CACNA1G: variants seen among roughly 807,000 people sequenced by gnomAD.
CACNA1G encodes the protein calcium voltage-gated channel subunit alpha1 G, also known as voltage-dependent T-type calcium channel subunit alpha-1G.
In CACNA1G, 67 loss-of-function variants were observed where a neutral mutation model predicts 219.4. The observed-to-expected ratio is 0.31, with a 90% confidence interval of 0.25 to 0.37. The LOEUF (loss-of-function observed/expected upper bound fraction) is 0.37. Among genes scored for constraint, CACNA1G ranks in the 10% least tolerant of loss-of-function variants. CACNA1G has a pLI of 1.00. For missense variants in CACNA1G, 2,380 were observed against 3,231.4 expected, an observed-to-expected ratio of 0.74 and a Z score of 6.39; for synonymous variants, 1,296 against 1,345.3, an observed-to-expected ratio of 0.96 and a Z score of 0.80.
In CACNA1G at chr17:50,621,299, C is replaced by T. The variant is rs1243902399; in HGVS notation, c.5926-361C>T. Reference sequence around the variant, plus strand: ...TTTTTGGTATCATCTTTTTGAGAGTCGCAAGCCCTCGGTCCTCCCGCTCCC... The same window carrying T: ...TTTTTGGTATCATCTTTTTGAGAGTTGCAAGCCCTCGGTCCTCCCGCTCCC... On this transcript the variant is annotated intron_variant, in intron 34 of 37. Coordinates refer to ENST00000359106, the MANE Select transcript of CACNA1G (RefSeq NM_018896.5). The surrounding 1 kb of genome is among the most constrained non-coding windows in gnomAD (Gnocchi z 4.6). Among the ~76,000 whole-genome samples, 4 of 150,738 alleles carry T rather than the reference C, an allele frequency of 2.7e-5. No individual in the cohort carries two copies. Among genetic ancestry groups the T allele is most frequent in the Non-Finnish European group, 5.9e-5 (4 of 67,844 alleles).
At position 50,626,252 on chromosome 17, in the gene CACNA1G, G is replaced by C. The variant is rs1285410966; in HGVS notation, c.6635G>C (p.Arg2212Thr). Residue 2212 changes from arginine (R) to threonine (T), a missense_variant, in exon 38 of 38, where the codon AGA becomes ACA. Arg to Thr is a moderately conservative substitution (Grantham distance 71, BLOSUM62 -1). Around this residue, in one of 17 missense-constraint regions of CACNA1G, gnomAD observed 672 missense variants for 670.5 expected, o/e 1.00. Transcript: ENST00000359106. The surrounding 1 kb of genome is among the most constrained non-coding windows in gnomAD (Gnocchi z 4.3). ...TGGGGCAAGGGCCCTCCAGAGACCAGAAGCAGCTTAGAGTTGGACACGGAG... is the reference window on the plus strand; with the variant it reads ...TGGGGCAAGGGCCCTCCAGAGACCACAAGCAGCTTAGAGTTGGACACGGAG... ...PNWGKGPPETRSSLELDTELS... is the reference protein window; with the variant it reads ...PNWGKGPPETTSSLELDTELS... The C allele has an allele frequency of 6.2e-7, 1 of 1,613,772 alleles. No homozygotes were observed. Among genetic ancestry groups the C allele is most frequent in the Non-Finnish European group, 8.5e-7 (1 of 1,179,882 alleles).
chr17:50,605,574 T>C (rs1464967987), intron 22 of CACNA1G, among the ~76,000 whole-genome samples: 1 of 152,172 alleles, frequency 6.6e-6, no homozygotes, highest in African/African-American at 2.4e-5. Flanking sequence ...AGAAGATGTG[T>C]TTCTAGCATG....
Position 50,599,522 on chromosome 17 carries a change from G to C in CACNA1G, c.3353G>C (p.Ser1118Thr). 6.2e-7 allele frequency: 1 copy of C among 1,611,218 alleles called. No individual in the cohort carries two copies. Among genetic ancestry groups the C allele is most frequent in the Admixed American group, 1.7e-5 (1 of 59,624 alleles). Reference protein sequence around the residue: ...SSRNSLGRAPSLKRRSPSGER... With the variant: ...SSRNSLGRAPTLKRRSPSGER... The stretch of plus-strand genomic sequence containing the variant: ...CGGAACAGCCTCGGCCGTGCACCCA[G>C]CCTGAAGCGGAGAAGCCCAAGTGGA... Residue 1118 changes from serine (S) to threonine (T), a missense_variant, in exon 17 of 38, where the codon AGC (serine) becomes ACC (threonine). Transcript: ENST00000359106.
In CACNA1G at chr17:50,591,506, T is replaced by C; in HGVS notation, c.2525T>C (p.Leu842Pro). The change falls in exon 11 of 38, where the codon CTG becomes CCG. Residue 842 changes from leucine to proline, a missense_variant. Leu to Pro is a moderately conservative substitution (Grantham distance 98). This residue lies in a region of CACNA1G where 82 missense variants were observed against 140.7 expected (regional missense o/e 0.58). Transcript: ENST00000359106. ...VLRTFRLMRV[L>P]KLVRFLPALQ... is the part of the protein sequence containing the mutation. ...CGGACCTTCCGCCTGATGCGTGTGC[T>C]GAAGCTGGTGCGCTTCCTGCCGGCG... is the stretch of plus-strand genomic sequence containing the variant. 6.2e-7 allele frequency: 1 copy of C among 1,609,942 alleles called. No individual in the cohort carries two copies. The highest frequency in any genetic ancestry group is 8.5e-7 in the Non-Finnish European group (1 of 1,178,498).
rs1323571973 is a variant in CACNA1G, at chr17:50,604,405, C to G, written c.4296+124C>G. 1.4e-5 allele frequency: 17 copies of G among 1,246,230 alleles called. No homozygotes were observed. The Admixed American group carries it at 3.5e-4, about 25-fold the overall frequency. The allele number at this position is 1,246,230 out of a possible 1,614,324, so 77.2% of individuals were successfully genotyped here. A position where few individuals can be genotyped will look rare whatever the true frequency, so the allele number is the denominator to read the frequency against. On this transcript the variant is annotated intron_variant, in intron 22 of 37. Transcript: ENST00000359106. ...CATTCCAGAAAGGAATAAGCAGGGACGCTTCCCTCCAGGCTCTAGGCCCTT... is the reference window on the plus strand; with the variant it reads ...CATTCCAGAAAGGAATAAGCAGGGAGGCTTCCCTCCAGGCTCTAGGCCCTT...
chr17:50,624,353 T>A lies in CACNA1G; in HGVS notation c.6230-7T>A. 2 of 465,288 alleles carry A rather than the reference T, an allele frequency of 4.3e-6. No homozygotes were observed. The highest frequency in any genetic ancestry group is 6.2e-6 in the Non-Finnish European group (2 of 322,114). 28.8% of individuals were successfully genotyped at this position (465,288 alleles called of 1,614,324 possible). A position where few individuals can be genotyped will look rare whatever the true frequency, so the allele number is the denominator to read the frequency against. On this transcript the variant is annotated splice_polypyrimidine_tract_variant and splice_region_variant and intron_variant, in intron 36 of 37. Coordinates refer to ENST00000359106, the MANE Select transcript of CACNA1G (RefSeq NM_018896.5). Reference sequence around the variant, plus strand: ...CCCACCCCTCCCCCGCTTCCCTCCCTCCACAGGCTCCGTCTTGTCCGTTCA... The same window carrying A: ...CCCACCCCTCCCCCGCTTCCCTCCCACCACAGGCTCCGTCTTGTCCGTTCA...
At chr17:50,601,699 G>A (rs905050949) in intron 19 of CACNA1G, among the ~76,000 whole-genome samples, 4 of 152,118 alleles carry the variant, frequency 2.6e-5, no homozygotes, top group Non-Finnish European at 5.9e-5. Flanking sequence ...TGGACATACC[G>A]CCCCAGGGTC....
chr17:50,624,270 G>A lies in CACNA1G; in HGVS notation c.6230-90G>A, dbSNP rs2053051559. 7 of 1,292,990 alleles carry A rather than the reference G, an allele frequency of 5.4e-6. No homozygotes were observed. The Admixed American group carries it at 6.0e-5, about 11-fold the overall frequency. The allele number at this position is 1,292,990 out of a possible 1,614,324, so 80.1% of individuals were successfully genotyped here. A position where few individuals can be genotyped will look rare whatever the true frequency, so the allele number is the denominator to read the frequency against. ...AGGCCCTGATGAGGGGGAGAGAGTGGAAGGGAGGGCTCAGGTGAGAACCTG... is the reference window on the plus strand; with the variant it reads ...AGGCCCTGATGAGGGGGAGAGAGTGAAAGGGAGGGCTCAGGTGAGAACCTG... On this transcript the variant is annotated intron_variant, in intron 36 of 37. Coordinates refer to ENST00000359106, the MANE Select transcript of CACNA1G (RefSeq NM_018896.5).
At chr17:50,616,040 A>G (rs1567752030) in intron 27 of CACNA1G, among the ~76,000 whole-genome samples, 1 of 152,182 alleles carries the variant, frequency 6.6e-6, no homozygotes, top group South Asian at 2.1e-4. Context: ...TCTCCTCACC[A>G]TCTCCCAAGG....
At chr17:50,590,353 C>A (rs1290912207) in intron 9 of CACNA1G, 118 bp from the exon 10 acceptor site, 5 of 1,137,890 alleles carry the variant, frequency 4.4e-6, no homozygotes, top group Middle Eastern at 2.9e-4. Flanking sequence ...CATCCAGCAA[C>A]CCCTCCGCAC....
At chr17:50,607,744 G>C (rs564500388) in intron 24 of CACNA1G, 83 bp from the exon 25 acceptor site, 22 of 1,227,100 alleles carry the variant, frequency 1.8e-5, no homozygotes, top group Non-Finnish European at 2.2e-5. Context: ...ATTTGGGTTC[G>C]CAGGAACCCA....
rs745482824 is a variant in CACNA1G, at chr17:50,590,631, A to AC, written c.2453+15dup. On this transcript the variant is annotated intron_variant, in intron 10 of 37. Transcript: ENST00000359106. ...GTCATTGTGGTCATCAGGTATGACT[A>AC]CCCCCCGGCACTGACTCTCAGTTGA... 3.1e-6 allele frequency: 5 copies of AC among 1,608,270 alleles called. No homozygotes were observed. Among genetic ancestry groups the AC allele is most frequent in the Non-Finnish European group, 3.4e-6 (4 of 1,177,732 alleles).
chr17:50,605,424 C>T (rs1409334621), intron 22 of CACNA1G, among the ~76,000 whole-genome samples: 1 of 152,152 alleles, frequency 6.6e-6, no homozygotes, highest in African/African-American at 2.4e-5. Flanking sequence ...CTCCCCCACC[C>T]AGAGCTGCTG....
intron 25 of CACNA1G, 65 bp from the exon 26 acceptor site, chr17:50,609,817 C>T: frequency 3.4e-6 from 5 of 1,491,128 alleles, no homozygotes; most frequent in Non-Finnish European, 4.6e-6. Context: ...GGAAGCCGCC[C>T]CTGAGGGGCC....
Position 50,575,926 on chromosome 17 carries a change from C to T in CACNA1G, c.1524C>T (p.Gly508=). The change falls in exon 8 of 38, where the codon GGC becomes GGT. Residue 508 remains glycine, a synonymous_variant. Transcript: ENST00000359106. The part of the protein sequence containing the change: ...HHHHHHHYHL[G]NGTLRAPRAS... Reference sequence around the variant, plus strand: ...ACCATCACCACCACTACCACCTGGGCAATGGGACGCTCAGGGCCCCCCGGG... The same window carrying T: ...ACCATCACCACCACTACCACCTGGGTAATGGGACGCTCAGGGCCCCCCGGG... 9.6e-6 allele frequency: 15 copies of T among 1,557,144 alleles called. No homozygotes were observed. Among genetic ancestry groups the T allele is most frequent in the Non-Finnish European group, 1.3e-5 (15 of 1,151,074 alleles).
intron 9 of CACNA1G, among the ~76,000 whole-genome samples, chr17:50,583,482 G>A (rs2042366631): frequency 6.6e-6 from 1 of 152,182 alleles, no homozygotes; most frequent in Admixed American, 6.5e-5. Flanking sequence ...AGAAATGTAG[G>A]TTCTGGTGGA....
At chr17:50,587,881 T>C (rs1023770073) in intron 9 of CACNA1G, among the ~76,000 whole-genome samples, 1 of 151,774 alleles carries the variant, frequency 6.6e-6, no homozygotes, top group African/African-American at 2.4e-5. Context: ...GAGTGAGGTG[T>C]GCACGTGTCC....
Position 50,626,489 on chromosome 17 carries a change from G to A in CACNA1G, c.6872G>A (p.Gly2291Glu), listed in dbSNP as rs765996819. 8 of 1,592,756 alleles carry A rather than the reference G, an allele frequency of 5.0e-6. No homozygotes were observed. In the African/African-American group the frequency reaches 9.5e-5, roughly 19 times the overall value. Reference sequence around the variant, plus strand: ...CTGGGCACAGACCCCTCTAACCTTGGGGGCCAGCCTCTTGGGGGGCCTGGG... The same window carrying A: ...CTGGGCACAGACCCCTCTAACCTTGAGGGCCAGCCTCTTGGGGGGCCTGGG... ...PHLGTDPSNL[G>E]GQPLGGPGSR... The change falls in exon 38 of 38, where the codon GGG becomes GAG. Residue 2291 changes from glycine (G) to glutamate (E), a missense_variant. Gly to Glu is a moderately conservative substitution (Grantham distance 98, BLOSUM62 -2). Transcript: ENST00000359106. The surrounding 1 kb of genome is among the most constrained non-coding windows in gnomAD (Gnocchi z 4.3).
In CACNA1G at chr17:50,561,495, G is replaced by A; in HGVS notation, c.36G>A (p.Glu12=). Residue 12 remains glutamate (E), a synonymous_variant, in exon 1 of 38, where the codon GAG becomes GAA. Coordinates refer to ENST00000359106, the MANE Select transcript of CACNA1G (RefSeq NM_018896.5). ...AGGAGGATGGAGCGGGCGCCGAGGA[G>A]TCGGGACAGCCCCGGAGCTTCATGC... ...DEEEDGAGAE[E]SGQPRSFMRL... is the part of the protein sequence containing the mutation. 6.5e-7 allele frequency: 1 copy of A among 1,535,558 alleles called. No individual in the cohort carries two copies. The highest frequency in any genetic ancestry group is 8.7e-7 in the Non-Finnish European group (1 of 1,146,528).
Sources: allele counts gnomAD v4.1 joint callset (sites outside exome capture counted in the v4.1 genomes callset), GRCh38; gene constraint gnomAD v4.1.1; regional missense constraint gnomAD v4.1.1; non-coding constraint Gnocchi (gnomAD v3.1); transcripts MANE v1.5; gene names NCBI Gene and HGNC (gene_info 2026-07-23, HGNC 2026-07-21).